The following PACS1 variants were observed in gnomAD, a reference collection of about 807,000 sequenced individuals.
The protein encoded by PACS1 is phosphofurin acidic cluster sorting protein 1.
A neutral mutation model predicts 115.0 loss-of-function variants in PACS1; 24 were observed. The ratio of observed to expected loss-of-function variants is 0.21; its 90% CI spans 0.15 to 0.29. The LOEUF (loss-of-function observed/expected upper bound fraction) is 0.29, where lower values mean the gene tolerates loss of function less well. Ranked by LOEUF, PACS1 falls within the 10% of genes least tolerant of loss-of-function variation. PACS1 has a pLI of 1.00. For synonymous variants in PACS1, 453 were observed against 504.5 expected, an observed-to-expected ratio of 0.90 and a Z score of 1.37; for missense variants, 838 against 1,251.2, an observed-to-expected ratio of 0.67 and a Z score of 4.98.
chr11:66,219,143 A>G (rs1855281566), intron 7 of PACS1, among the ~76,000 whole-genome samples: 2 of 151,928 alleles, frequency 1.3e-5, no homozygotes, highest in Non-Finnish European at 1.5e-5. Context: ...TGGGCAGGGT[A>G]TGAGATGTCA....
In PACS1 at chr11:66,232,965, G is replaced by A. The variant is rs773764695; in HGVS notation, c.1737G>A (p.Val579=). 6.5e-5 allele frequency: 105 copies of A among 1,612,268 alleles called. No homozygotes were observed. Among genetic ancestry groups the A allele is most frequent in the Non-Finnish European group, 8.1e-5 (96 of 1,179,314 alleles). The stretch of plus-strand genomic sequence containing the variant: ...CTCCTCCCTCCCTATCCCAGTATGT[G>A]GCTGAGCTGCTCCAGGACCAGCGGA... ...VNTTDWQGQY[V]AELLQDQRKP... is the part of the protein sequence containing the mutation. Residue 579 remains valine (V), a synonymous_variant, in exon 15 of 24, where the codon GTG becomes GTA. Transcript: ENST00000320580.
At chr11:66,128,399 C>T (rs1858627275) in intron 1 of PACS1, among the ~76,000 whole-genome samples, 1 of 152,018 alleles carries the variant, frequency 6.6e-6, no homozygotes, top group Non-Finnish European at 1.5e-5. Flanking sequence ...GAAATATTTA[C>T]ATATGAAAAG....
intron 1 of PACS1, among the ~76,000 whole-genome samples, chr11:66,086,142 T>G: frequency 6.7e-6 from 1 of 148,164 alleles, no homozygotes; most frequent in East Asian, 2.0e-4. Context: ...TTCTTTTTTT[T>G]TTTTTTTTTT....
chr11:66,225,134 T>C (rs959252823), intron 10 of PACS1, among the ~76,000 whole-genome samples: 6 of 152,190 alleles, frequency 3.9e-5, no homozygotes, highest in Non-Finnish European at 5.9e-5. Flanking sequence ...CACAGCACTA[T>C]AAATAATGGC....
intron 1 of PACS1, among the ~76,000 whole-genome samples, chr11:66,160,736 G>A (rs1859469116): frequency 6.7e-6 from 1 of 149,590 alleles, no homozygotes; most frequent in Non-Finnish European, 1.5e-5. Flanking sequence ...TCCCAGGCTG[G>A]TCTTGAACTC....
At chr11:66,237,980 C>A in intron 19 of PACS1, 1 of 854,956 alleles carries the variant, frequency 1.2e-6, no homozygotes, top group Non-Finnish European at 1.4e-6. Flanking sequence ...GCCCTCTGGA[C>A]TCCCAGCCCA....
chr11:66,145,291 A>G (rs181022311), intron 1 of PACS1, among the ~76,000 whole-genome samples: 193 of 152,296 alleles, frequency 1.3e-3, no homozygotes, highest in Middle Eastern at 6.8e-3. Flanking sequence ...TTGGTGTGGT[A>G]ATTCTGTTAG....
intron 1 of PACS1, among the ~76,000 whole-genome samples, chr11:66,159,254 A>G (rs1420609859): frequency 6.6e-6 from 1 of 152,116 alleles, no homozygotes; most frequent in Non-Finnish European, 1.5e-5. Flanking sequence ...CCTGACCAAC[A>G]TGGGGAAACC....
rs1484869684 is a variant in PACS1, at chr11:66,070,584, C to T, written c.98C>T (p.Pro33Leu). Residue 33 changes from proline to leucine, a missense_variant, in exon 1 of 24, where the codon CCG (proline) becomes CTG (leucine). By Grantham distance (98) the Pro-to-Leu change is moderately conservative. Transcript: ENST00000320580. This position sits in a 1 kb window ranked among gnomAD's most constrained non-coding sequence, Gnocchi z 5.9. ...SGVAQSPQQP[P>L]PQQQQQQPPQ... ...GTCGCCCAGTCCCCTCAGCAGCCGCCGCCGCAGCAGCAGCAGCAGCAGCCG... is the reference window on the plus strand; with the variant it reads ...GTCGCCCAGTCCCCTCAGCAGCCGCTGCCGCAGCAGCAGCAGCAGCAGCCG... The T allele has an allele frequency of 1.3e-6, 2 of 1,497,130 alleles. No individual in the cohort carries two copies. The highest frequency in any genetic ancestry group is 2.9e-5 in the African/African-American group (2 of 68,714). 92.7% of individuals were successfully genotyped at this position (1,497,130 alleles called of 1,614,324 possible). A position where few individuals can be genotyped will look rare whatever the true frequency, so the allele number is the denominator to read the frequency against.
chr11:66,225,975 C>T (rs139900177), intron 10 of PACS1, among the ~76,000 whole-genome samples: 20 of 152,256 alleles, frequency 1.3e-4, no homozygotes, highest in African/African-American at 3.6e-4. Context: ...TCAAGACCAG[C>T]CTGGTCAATC....
Position 66,233,612 on chromosome 11 carries a change from G to A in PACS1, c.1839-173G>A, listed in dbSNP as rs1410791757. 6.6e-6 allele frequency among the ~76,000 whole-genome samples: 1 copy of A among 152,220 alleles called. No individual in the cohort carries two copies. The highest frequency in any genetic ancestry group is 6.5e-5 in the Admixed American group (1 of 15,282). On this transcript the variant is annotated intron_variant, in intron 15 of 23. Transcript: ENST00000320580. The surrounding 1 kb of genome is among the most constrained non-coding windows in gnomAD (Gnocchi z 4.5). ...CCCTCTGACCCTGGATTTTTCTCTTGGTTGTGAAAGCACTGTGGCTTATTC... is the reference window on the plus strand; with the variant it reads ...CCCTCTGACCCTGGATTTTTCTCTTAGTTGTGAAAGCACTGTGGCTTATTC...
At chr11:66,141,301 T>C (rs1033405705) in intron 1 of PACS1, among the ~76,000 whole-genome samples, 10 of 152,196 alleles carry the variant, frequency 6.6e-5, no homozygotes, top group Admixed American at 3.3e-4. Flanking sequence ...TTTTCCTTTT[T>C]TTTCCCCAGA....
At chr11:66,210,099 T>A (rs1855036119) in intron 2 of PACS1, among the ~76,000 whole-genome samples, 1 of 151,960 alleles carries the variant, frequency 6.6e-6, no homozygotes, top group Non-Finnish European at 1.5e-5. Flanking sequence ...GGCAGGATCA[T>A]GACTCACTGC....
chr11:66,230,527 G>C, intron 11 of PACS1, 21 bp from the exon 12 acceptor site: 1 of 1,581,672 alleles, frequency 6.3e-7, no homozygotes, highest in Middle Eastern at 1.7e-4. Flanking sequence ...CATCTTCACT[G>C]TTTCCTCTCC....
chr11:66,105,050 A>G (rs1858003598), intron 1 of PACS1, among the ~76,000 whole-genome samples: 1 of 152,214 alleles, frequency 6.6e-6, no homozygotes, highest in Non-Finnish European at 1.5e-5. Context: ...TTATGTTACT[A>G]TGTAAATCTG....
At chr11:66,166,911 G>C (rs1295172693) in intron 1 of PACS1, among the ~76,000 whole-genome samples, 1 of 150,304 alleles carries the variant, frequency 6.7e-6, no homozygotes, top group Non-Finnish European at 1.5e-5. Context: ...AGGAAGATGA[G>C]TAACTTACCC....
chr11:66,114,785 A>G (rs1349491260), intron 1 of PACS1, among the ~76,000 whole-genome samples: 1 of 152,218 alleles, frequency 6.6e-6, no homozygotes, highest in East Asian at 1.9e-4. Flanking sequence ...GGACTTCATT[A>G]GCATTGTGTC....
intron 2 of PACS1, among the ~76,000 whole-genome samples, chr11:66,202,740 AAAAT>A (rs1430864061): frequency 8.1e-5 from 7 of 85,942 alleles, no homozygotes; most frequent in Non-Finnish European, 1.3e-4. Flanking sequence ...AAAAAAAAAA[AAAAT>A]ATATATATAT....
intron 1 of PACS1, among the ~76,000 whole-genome samples, chr11:66,117,068 T>C (rs1858322127): frequency 6.6e-6 from 1 of 152,124 alleles, no homozygotes. Context: ...TTATTATAAA[T>C]TGTTTCCTTT....
Sources: allele counts gnomAD v4.1 joint callset (sites outside exome capture counted in the v4.1 genomes callset), GRCh38; gene constraint gnomAD v4.1.1; non-coding constraint Gnocchi (gnomAD v3.1); transcripts MANE v1.5; gene names NCBI Gene and HGNC (gene_info 2026-07-23, HGNC 2026-07-21).